Variants in ATOX1 observed in about 807,000 individuals in gnomAD.
ATOX1 encodes copper transport protein ATOX1.
Under a neutral mutation model 7.3 loss-of-function variants are expected in ATOX1, and 4 were observed. The ratio of observed to expected loss-of-function variants is 0.55; its 90% CI spans 0.27 to 1.25. ATOX1 has a LOEUF of 1.25. Ranked by LOEUF, ATOX1 falls within the 50% of genes most tolerant of loss-of-function variation. ATOX1 has a pLI of 0.12. For missense variants in ATOX1, 68 were observed against 81.6 expected (o/e 0.83, Z 0.64); for synonymous variants, 25 against 28.7 (o/e 0.87, Z 0.41).
chr5:151,750,509 CAA>C (rs5872228), intron 2 of ATOX1, among the ~76,000 whole-genome samples: 4 of 102,054 alleles, frequency 3.9e-5, no homozygotes, highest in African/African-American at 1.1e-4. Context: ...GACTTCATCT[CAA>C]AAAAAAAAAA....
At chr5:151,754,483 G>A (rs1249788935) in intron 1 of ATOX1, among the ~76,000 whole-genome samples, 1 of 152,076 alleles carries the variant, frequency 6.6e-6, no homozygotes, top group East Asian at 1.9e-4. Context: ...CATGGTGGCA[G>A]GTGCCTGTAA....
chr5:151,744,527 A>T (rs968194746), intron 3 of ATOX1: 1 of 152,228 alleles, frequency 6.6e-6, no homozygotes, highest in African/African-American at 2.4e-5. Context: ...TCCAACAGAT[A>T]TTACTTTTTT....
chr5:151,755,436 G>GCTTTCTTC (rs1762002824), intron 1 of ATOX1, among the ~76,000 whole-genome samples: 1 of 152,168 alleles, frequency 6.6e-6, no homozygotes, highest in Non-Finnish European at 1.5e-5. Flanking sequence ...ATGAACCTAG[G>GCTTTCTTC]CTTTCTTCGC....
rs999580888 is a variant in ATOX1 at position 151,752,386 on chromosome 5, G to T, written c.7-607C>A. 9 of 697,818 alleles carry T rather than the reference G, an allele frequency of 1.3e-5. No homozygotes were observed. In the Admixed American group the frequency reaches 1.8e-4, roughly 14 times the overall value. The allele number at this position is 697,818 out of a possible 1,614,324, so 43.2% of individuals were successfully genotyped here. On this transcript the variant is annotated intron_variant, in intron 1 of 3. Transcript: ENST00000313115. ...AAAGGATTGCCTGGGTTCCCCAGTG[G>T]GTTGGAGGCCAGGCAGGAAGGGATC...
In ATOX1 at chr5:151,746,319, C is replaced by A. The variant is rs369036203; in HGVS notation, c.*6G>T. Reference sequence around the variant, plus strand: ...CATCCTGTGGGCTGTGGGGACCAGGCCCCTGCTACTCAAGGCCAAGGTAGG... The same window carrying A: ...CATCCTGTGGGCTGTGGGGACCAGGACCCTGCTACTCAAGGCCAAGGTAGG... On this transcript the variant is annotated 3_prime_UTR_variant, in exon 3 of 4. Coordinates refer to ENST00000313115, the MANE Select transcript of ATOX1 (RefSeq NM_004045.4). The A allele has an allele frequency of 3.7e-6, 6 of 1,612,648 alleles. No homozygotes were observed. Among genetic ancestry groups the A allele is most frequent in the Admixed American group, 1.7e-5 (1 of 59,986 alleles).
In ATOX1 at chr5:151,742,875, A is replaced by C. The variant is rs1761836805; in HGVS notation, c.*131T>G. On this transcript the variant is annotated 3_prime_UTR_variant, in exon 4 of 4. Transcript: ENST00000313115. ...AGGGAAGCTAGGAAGGAATAGGACA[A>C]CTGAGGGTCTCCGCAGGAACACCAT... is the stretch of plus-strand genomic sequence containing the variant. 6.6e-6 allele frequency: 1 copy of C among 152,352 alleles called. No individual in the cohort carries two copies. Among genetic ancestry groups the C allele is most frequent in the Non-Finnish European group, 1.5e-5 (1 of 68,106 alleles). 9.4% of individuals were successfully genotyped at this position (152,352 alleles called of 1,614,324 possible).
In ATOX1 at chr5:151,751,740, C is replaced by T. The variant is rs1273759401; in HGVS notation, c.46G>A (p.Ala16Thr). ...FSVDMTCGGCAEAVSRVLNKL... is the reference protein window; with the variant it reads ...FSVDMTCGGCTEAVSRVLNKL... ...TTGAGGACCCGAGAGACAGCTTCAG[C>T]ACAGCCTCCACAGGTCATGTCCACA... is the stretch of plus-strand genomic sequence containing the variant. The change falls in exon 2 of 4, where the codon GCT becomes ACT. Residue 16 changes from alanine (A) to threonine (T), a missense_variant. Ala to Thr is a moderately conservative substitution (Grantham distance 58). Transcript: ENST00000313115. 1 of 1,609,566 alleles carries T rather than the reference C, an allele frequency of 6.2e-7. No individual in the cohort carries two copies. Among genetic ancestry groups the T allele is most frequent in the African/African-American group, 1.3e-5 (1 of 74,944 alleles).
chr5:151,747,450 TAA>T (rs747394414), intron 2 of ATOX1, among the ~76,000 whole-genome samples: 2 of 151,940 alleles, frequency 1.3e-5, no homozygotes, highest in Admixed American at 6.6e-5. Context: ...TATGCCTGGT[TAA>T]GTTTTGTATT....
chr5:151,750,734 C>T (rs1364286307), intron 2 of ATOX1, among the ~76,000 whole-genome samples: 2 of 145,670 alleles, frequency 1.4e-5, no homozygotes, highest in African/African-American at 5.1e-5. Context: ...GTGGCCTTAA[C>T]CTCCCAGGCT....
Position 151,758,602 on chromosome 5 carries a change from C to G in ATOX1, c.-51G>C. 1 of 1,383,696 alleles carries G rather than the reference C, an allele frequency of 7.2e-7. No homozygotes were observed. Among genetic ancestry groups the G allele is most frequent in the Non-Finnish European group, 9.4e-7 (1 of 1,061,062 alleles). 85.7% of individuals were successfully genotyped at this position (1,383,696 alleles called of 1,614,324 possible). On this transcript the variant is annotated 5_prime_UTR_variant, in exon 1 of 4. Coordinates refer to ENST00000313115, the MANE Select transcript of ATOX1 (RefSeq NM_004045.4). ...CGGTGTGGCGGCGGTGTCAGCAGCG[C>G]CTCTCTGGATTCGGAGGGCGGGTTC... is the stretch of plus-strand genomic sequence containing the variant.
chr5:151,750,020 A>G (rs904604368), intron 2 of ATOX1, among the ~76,000 whole-genome samples: 1 of 152,252 alleles, frequency 6.6e-6, no homozygotes, highest in African/African-American at 2.4e-5. Flanking sequence ...TAATGTCATT[A>G]TTATTTAGGG....
chr5:151,751,801 C>A (rs922901705), intron 1 of ATOX1, 22 bp from the exon 2 acceptor site: 2 of 1,590,518 alleles, frequency 1.3e-6, no homozygotes, highest in African/African-American at 2.7e-5. Flanking sequence ...ACAGGGGGAC[C>A]ATGACCCGAG....
At chr5:151,757,458 C>A (rs949783127) in intron 1 of ATOX1, among the ~76,000 whole-genome samples, 1 of 152,310 alleles carries the variant, frequency 6.6e-6, no homozygotes, top group Middle Eastern at 3.4e-3. Context: ...TGTCTCAAGG[C>A]ACCTGGCAAG....
At chr5:151,746,245 A>G (rs1221550619) in intron 3 of ATOX1, 34 bp downstream of exon 3, 1 of 1,572,714 alleles carries the variant, frequency 6.4e-7, no homozygotes, top group African/African-American at 1.4e-5. Flanking sequence ...TGTGAGCTGT[A>G]GGTTTGTTCA....
chr5:151,745,210 C>G (rs1213302573), intron 3 of ATOX1: 1 of 152,174 alleles, frequency 6.6e-6, no homozygotes, highest in Non-Finnish European at 1.5e-5. Flanking sequence ...ACCTACCAGT[C>G]AGTGTGGCTA....
intron 1 of ATOX1, among the ~76,000 whole-genome samples, chr5:151,756,427 TC>T (rs1215856385): frequency 7.0e-6 from 1 of 142,602 alleles, no homozygotes; most frequent in Non-Finnish European, 1.6e-5. Context: ...TCTTCTCTTC[TC>T]TTCTTTCTTT....
At position 151,751,920 on chromosome 5, in the gene ATOX1, C is replaced by T. The variant is rs371973236; in HGVS notation, c.7-141G>A. 4.7e-5 allele frequency: 34 copies of T among 724,076 alleles called. No homozygotes were observed. The East Asian group carries it at 7.6e-4, about 16-fold the overall frequency. The allele number at this position is 724,076 out of a possible 1,614,324, so 44.9% of individuals were successfully genotyped here. ...GGTTGGCATCAGACTCATCAGAAGC[C>T]TGTTTCTGAGCCCGTCTCTTCAACT... On this transcript the variant is annotated intron_variant, in intron 1 of 3. Coordinates refer to ENST00000313115, the MANE Select transcript of ATOX1 (RefSeq NM_004045.4).
At chr5:151,750,852 T>G (rs781464062) in intron 2 of ATOX1, among the ~76,000 whole-genome samples, 3 of 151,886 alleles carry the variant, frequency 2.0e-5, no homozygotes, top group Non-Finnish European at 2.9e-5. Context: ...CATTTTACCA[T>G]GTTGCCCAGG....
chr5:151,748,504 T>C (rs535104496), intron 2 of ATOX1, among the ~76,000 whole-genome samples: 3 of 151,908 alleles, frequency 2.0e-5, no homozygotes, highest in Non-Finnish European at 4.4e-5. Context: ...GCAGGGACAG[T>C]AGGAAAAGAT....
Sources: gnomAD v4.1 joint callset for allele counts (sites outside exome capture counted in the v4.1 genomes callset) on GRCh38, gnomAD v4.1.1 for gene constraint, MANE v1.5 for transcripts, NCBI Gene and HGNC (gene_info 2026-07-23, HGNC 2026-07-21) for gene names.